PPFIA2: variants seen among roughly 807,000 people sequenced by gnomAD.
PPFIA2 encodes PPFI scaffold protein A2.
Under a neutral mutation model 175.5 loss-of-function variants are expected in PPFIA2, and 46 were observed. That is an observed-to-expected ratio of 0.26 (90% CI 0.21 to 0.34). PPFIA2 has a LOEUF of 0.34. Ranked by LOEUF, PPFIA2 falls within the 10% of genes least tolerant of loss-of-function variation. The pLI, the probability that PPFIA2 is intolerant of heterozygous loss-of-function variation, is 1.00. For missense variants in PPFIA2, 1,179 were observed against 1,506.1 expected, an observed-to-expected ratio of 0.78 and a Z score of 3.60; for synonymous variants, 568 against 511.4, an observed-to-expected ratio of 1.11 and a Z score of -1.49.
intron 3 of PPFIA2, among the ~76,000 whole-genome samples, chr12:81,695,163 A>G (rs2075753534): frequency 6.6e-6 from 1 of 152,082 alleles, no homozygotes; most frequent in South Asian, 2.1e-4. Context: ...AATTTGAGGG[A>G]CTTTTGAGAA....
intron 21 of PPFIA2, among the ~76,000 whole-genome samples, chr12:81,338,703 C>A (rs1416787765): frequency 2.0e-5 from 3 of 151,976 alleles, no homozygotes; most frequent in Non-Finnish European, 4.4e-5. Flanking sequence ...CTTATCAATT[C>A]TTTCAACAAA....
chr12:81,517,073 A>T (rs1329987348), intron 4 of PPFIA2, among the ~76,000 whole-genome samples: 3 of 151,128 alleles, frequency 2.0e-5, no homozygotes, highest in Non-Finnish European at 4.4e-5. Context: ...GTAAAATAAA[A>T]TATGCAGCAT....
At chr12:81,467,115 T>A (rs2055806278) in intron 4 of PPFIA2, among the ~76,000 whole-genome samples, 1 of 151,704 alleles carries the variant, frequency 6.6e-6, no homozygotes, top group Non-Finnish European at 1.5e-5. Context: ...AGCATAATAA[T>A]AAAAAAGAGA....
At chr12:81,313,761 C>T (rs1594647042) in intron 22 of PPFIA2, among the ~76,000 whole-genome samples, 1 of 152,128 alleles carries the variant, frequency 6.6e-6, no homozygotes, top group Non-Finnish European at 1.5e-5. Flanking sequence ...TAGTTATCAC[C>T]ATGGACAACA....
At chr12:81,304,470 A>G (rs2048658201) in intron 22 of PPFIA2, among the ~76,000 whole-genome samples, 1 of 152,202 alleles carries the variant, frequency 6.6e-6, no homozygotes, top group South Asian at 2.1e-4. Flanking sequence ...AGCCATTGAT[A>G]TGTGTTCTAC....
rs915433761 is a variant in PPFIA2 at position 81,736,871 on chromosome 12, C to G, written c.249+17102G>C. On this transcript the variant is annotated intron_variant, in intron 3 of 32. Coordinates refer to ENST00000549396, the MANE Select transcript of PPFIA2 (RefSeq NM_003625.5). Reference sequence around the variant, plus strand: ...GATTCTCTTGCCTCTGCCTCCCCAGCAGCTGGGACTACAGACATGTACCAC... The same window carrying G: ...GATTCTCTTGCCTCTGCCTCCCCAGGAGCTGGGACTACAGACATGTACCAC... 3.3e-5 allele frequency among the ~76,000 whole-genome samples: 5 copies of G among 151,880 alleles called. No individual in the cohort carries two copies. In the East Asian group the frequency reaches 9.7e-4, roughly 30 times the overall value.
chr12:81,399,983 G>A (rs1024324003), intron 8 of PPFIA2, among the ~76,000 whole-genome samples: 6 of 152,066 alleles, frequency 3.9e-5, no homozygotes, highest in African/African-American at 1.4e-4. Context: ...AACATGTATT[G>A]ATGAACACAA....
chr12:81,451,586 A>G (rs893906303), intron 5 of PPFIA2, among the ~76,000 whole-genome samples: 1 of 152,198 alleles, frequency 6.6e-6, no homozygotes, highest in African/African-American at 2.4e-5. Flanking sequence ...GCCAAGCTAT[A>G]TACTCTGTTT....
chr12:81,642,962 C>T (rs530496654), intron 4 of PPFIA2, among the ~76,000 whole-genome samples: 1 of 68,536 alleles, frequency 1.5e-5, no homozygotes, highest in African/African-American at 6.6e-5. Flanking sequence ...GTAATATACA[C>T]ACATATATAA....
chr12:81,427,910 C>T (rs1040844236), intron 7 of PPFIA2, among the ~76,000 whole-genome samples: 5 of 151,804 alleles, frequency 3.3e-5, no homozygotes, highest in Non-Finnish European at 5.9e-5. Flanking sequence ...GAATTAATTG[C>T]CAGGTGCTAT....
chr12:81,469,016 T>C (rs2056258288), intron 4 of PPFIA2, among the ~76,000 whole-genome samples: 1 of 152,152 alleles, frequency 6.6e-6, no homozygotes, highest in Non-Finnish European at 1.5e-5. Context: ...AGAATTGTAG[T>C]TGTCTGGCAA....
chr12:81,684,722 C>T (rs906558697), intron 3 of PPFIA2, among the ~76,000 whole-genome samples: 2 of 151,996 alleles, frequency 1.3e-5, no homozygotes, highest in Non-Finnish European at 2.9e-5. Context: ...TTTGAAATCC[C>T]AAGTGTTATA....
chr12:81,436,224 T>A (rs2144759074), intron 7 of PPFIA2, among the ~76,000 whole-genome samples: 1 of 125,860 alleles, frequency 7.9e-6, no homozygotes, highest in Admixed American at 1.1e-4. Flanking sequence ...GAGGGTGCAG[T>A]AAGCCTTGAT....
intron 3 of PPFIA2, among the ~76,000 whole-genome samples, chr12:81,750,186 G>T (rs2083564353): frequency 7.0e-6 from 1 of 143,732 alleles, no homozygotes; most frequent in Non-Finnish European, 1.6e-5. Context: ...AAACATTATA[G>T]GTAGAGAGAT....
At chr12:81,359,362 T>C (rs1299598930) in intron 15 of PPFIA2, among the ~76,000 whole-genome samples, 1 of 151,868 alleles carries the variant, frequency 6.6e-6, no homozygotes, top group East Asian at 1.9e-4. Context: ...ACATTTTCCA[T>C]CAAATAGGTG....
intron 3 of PPFIA2, among the ~76,000 whole-genome samples, chr12:81,704,591 C>T (rs2076882692): frequency 6.6e-6 from 1 of 151,942 alleles, no homozygotes; most frequent in South Asian, 2.1e-4. Flanking sequence ...TCAATGAGAA[C>T]AGATAAAATA....
intron 20 of PPFIA2, 45 bp downstream of exon 20, chr12:81,341,033 T>C: frequency 6.6e-7 from 1 of 1,513,404 alleles, no homozygotes; most frequent in Non-Finnish European, 9.0e-7. Context: ...AGGAATATTT[T>C]TGGAAGGAGG....
intron 14 of PPFIA2, among the ~76,000 whole-genome samples, chr12:81,363,294 AATTTATTT>A (rs1454723972): frequency 6.6e-6 from 1 of 151,092 alleles, no homozygotes; most frequent in Non-Finnish European, 1.5e-5. Context: ...TTAATTAATT[AATTTATTT>A]ATTTATTTAA....
intron 4 of PPFIA2, among the ~76,000 whole-genome samples, chr12:81,597,732 AT>A (rs2059394118): frequency 1.1e-5 from 1 of 92,114 alleles, no homozygotes; most frequent in Non-Finnish European, 2.1e-5. Context: ...CCTGTGGAAA[AT>A]TGTGTTCACT....
Sources: allele counts gnomAD v4.1 joint callset (sites outside exome capture counted in the v4.1 genomes callset), GRCh38; gene constraint gnomAD v4.1.1; transcripts MANE v1.5; gene names NCBI Gene and HGNC (gene_info 2026-07-23, HGNC 2026-07-21).